Variants in SPAG17 observed in about 807,000 individuals in gnomAD.
SPAG17 encodes the protein sperm associated antigen 17.
A neutral mutation model predicts 273.6 loss-of-function variants in SPAG17; 169 were observed. That is an observed-to-expected ratio of 0.62 (90% CI 0.55 to 0.70). The LOEUF (loss-of-function observed/expected upper bound fraction) is 0.70, where lower values mean the gene tolerates loss of function less well. SPAG17 is among the 30% of genes least tolerant of loss of function. SPAG17 has a pLI of 0.00. For synonymous variants in SPAG17, 825 were observed against 873.2 expected (o/e 0.94, Z 0.97); for missense variants, 2,557 against 2,627.8 (o/e 0.97, Z 0.59).
At chr1:118,104,192 AGAAAGATAGATTT>A (rs1656250204) in intron 4 of SPAG17, among the ~76,000 whole-genome samples, 1 of 152,200 alleles carries the variant, frequency 6.6e-6, no homozygotes, top group African/African-American at 2.4e-5. Context: ...GGCAGAGTGA[AGAAAGATAGATTT>A]GAGATGTATC....
At chr1:118,136,894 G>A (rs1658398281) in intron 3 of SPAG17, among the ~76,000 whole-genome samples, 1 of 151,864 alleles carries the variant, frequency 6.6e-6, no homozygotes, top group Non-Finnish European at 1.5e-5. Flanking sequence ...ATGTTCTGTG[G>A]ATGCTTTTGC....
At position 118,073,847 on chromosome 1, in the gene SPAG17, T is replaced by G. The variant is rs918810448; in HGVS notation, c.2385+7A>C. 1 of 1,572,436 alleles carries G rather than the reference T, an allele frequency of 6.4e-7. No homozygotes were observed. The highest frequency in any genetic ancestry group is 1.4e-5 in the African/African-American group (1 of 72,144). On this transcript the variant is annotated splice_region_variant and intron_variant, in intron 17 of 48. Coordinates refer to ENST00000336338, the MANE Select transcript of SPAG17 (RefSeq NM_206996.4). ...CCGTCTCCTAGAGAATCACAGTCCA[T>G]AAATACCTGAAGCAGTACTTTCGGT...
chr1:117,966,498 A>G (rs1240784760), intron 47 of SPAG17, 111 bp downstream of exon 47: 15 of 1,103,492 alleles, frequency 1.4e-5, no homozygotes. Flanking sequence ...TTTAACTCTG[A>G]TTTTGAAGAT....
At chr1:118,100,750 G>A (rs1656014427) in intron 5 of SPAG17, among the ~76,000 whole-genome samples, 1 of 152,172 alleles carries the variant, frequency 6.6e-6, no homozygotes, top group Non-Finnish European at 1.5e-5. Flanking sequence ...ATAACAACAG[G>A]TAGCTCATTT....
At chr1:118,120,842 AAC>A (rs1210939065) in intron 3 of SPAG17, among the ~76,000 whole-genome samples, 46 of 152,326 alleles carry the variant, frequency 3.0e-4, no homozygotes, top group Middle Eastern at 3.4e-3. Flanking sequence ...GAAAATATTT[AAC>A]TTGGTAGCTC....
intron 22 of SPAG17, 109 bp downstream of exon 22, chr1:118,040,621 G>A: frequency 2.8e-6 from 2 of 705,134 alleles, no homozygotes; most frequent in Non-Finnish European, 5.0e-6. Flanking sequence ...ATGTATTGTG[G>A]GGGACAGAAT....
intron 32 of SPAG17, among the ~76,000 whole-genome samples, chr1:117,996,996 T>A (rs778881334): frequency 2.4e-4 from 36 of 152,054 alleles, no homozygotes; most frequent in Admixed American, 1.0e-3. Context: ...GTGAATAGGA[T>A]GGGGAGGATA....
intron 48 of SPAG17, chr1:117,958,885 T>C: frequency 6.2e-7 from 1 of 1,604,956 alleles, no homozygotes; most frequent in Non-Finnish European, 8.5e-7. Context: ...CTCTGCAACA[T>C]GGCTGTGTTT....
chr1:118,123,473 C>A (rs1324789555), intron 3 of SPAG17, among the ~76,000 whole-genome samples: 1 of 152,240 alleles, frequency 6.6e-6, no homozygotes, highest in Non-Finnish European at 1.5e-5. Context: ...ACTGTCTATA[C>A]ATAAATTTAA....
chr1:118,130,680 C>T (rs1258288418), intron 3 of SPAG17, among the ~76,000 whole-genome samples: 1 of 152,132 alleles, frequency 6.6e-6, no homozygotes, highest in Non-Finnish European at 1.5e-5. Flanking sequence ...GTTTCTGAGC[C>T]AATCTTATCA....
At chr1:117,967,031 T>C (rs192620524) in intron 46 of SPAG17, among the ~76,000 whole-genome samples, 125 of 152,228 alleles carry the variant, frequency 8.2e-4, no homozygotes, top group African/African-American at 2.9e-3. Flanking sequence ...GCCAGGTTAT[T>C]GGAAGTGGAA....
rs199684236 is a variant in SPAG17, at chr1:117,963,794, T to C, written c.*5A>G. 6.2e-6 allele frequency: 10 copies of C among 1,606,368 alleles called. No individual in the cohort carries two copies. Among genetic ancestry groups the C allele is most frequent in the Non-Finnish European group, 8.5e-6 (10 of 1,175,972 alleles). Reference sequence around the variant, plus strand: ...AATCAAATTCCCATTTATTACTTACTGTACCTAATGTGGAGAAACTTTACG... The same window carrying C: ...AATCAAATTCCCATTTATTACTTACCGTACCTAATGTGGAGAAACTTTACG... On this transcript the variant is annotated splice_donor_5th_base_variant and intron_variant, in intron 48 of 48. Coordinates refer to ENST00000336338, the MANE Select transcript of SPAG17 (RefSeq NM_206996.4).
chr1:118,033,804 C>T (rs141574207), intron 24 of SPAG17, among the ~76,000 whole-genome samples: 1 of 152,292 alleles, frequency 6.6e-6, no homozygotes, highest in African/African-American at 2.4e-5. Context: ...TCTAGAATTC[C>T]CTTTCCTTGT....
intron 3 of SPAG17, among the ~76,000 whole-genome samples, chr1:118,119,718 A>G (rs1657308297): frequency 6.6e-6 from 1 of 152,236 alleles, no homozygotes; most frequent in African/African-American, 2.4e-5. Flanking sequence ...GGCTTTCAGC[A>G]CACATTCTTT....
chr1:117,974,138 G>A (rs973547945), intron 43 of SPAG17, among the ~76,000 whole-genome samples: 19 of 152,200 alleles, frequency 1.2e-4, no homozygotes, highest in Non-Finnish European at 2.5e-4. Flanking sequence ...GTGAGTGTAT[G>A]TGTCTTTTTG....
At chr1:117,978,867 T>C (rs747998355) in intron 43 of SPAG17, among the ~76,000 whole-genome samples, 3 of 132,314 alleles carry the variant, frequency 2.3e-5, no homozygotes, top group African/African-American at 5.3e-5. Flanking sequence ...CTTCTTCCTC[T>C]TCTTTTTTTT....
intron 24 of SPAG17, among the ~76,000 whole-genome samples, chr1:118,036,472 T>A (rs1404811267): frequency 6.6e-6 from 1 of 152,050 alleles, no homozygotes; most frequent in Non-Finnish European, 1.5e-5. Context: ...CATGTATATA[T>A]ATAATCACAC....
intron 3 of SPAG17, among the ~76,000 whole-genome samples, chr1:118,116,182 T>C (rs1286527811): frequency 6.6e-6 from 1 of 152,216 alleles, no homozygotes; most frequent in East Asian, 1.9e-4. Flanking sequence ...GCCCTTTTCC[T>C]TGGAGCCCTA....
chr1:118,161,424 T>C (rs1374747267), intron 1 of SPAG17, among the ~76,000 whole-genome samples: 3 of 152,184 alleles, frequency 2.0e-5, no homozygotes, highest in African/African-American at 2.4e-5. Flanking sequence ...GGAGGGAAGA[T>C]AAAATTGTGG....
Sources: gnomAD v4.1 joint callset for allele counts (sites outside exome capture counted in the v4.1 genomes callset) on GRCh38, gnomAD v4.1.1 for gene constraint, MANE v1.5 for transcripts, NCBI Gene and HGNC (gene_info 2026-07-23, HGNC 2026-07-21) for gene names.